The following HAPLN3 variants were observed in gnomAD, a reference collection of about 807,000 sequenced individuals.
HAPLN3 encodes the protein hyaluronan and proteoglycan link protein 3.
A neutral mutation model predicts 28.1 loss-of-function variants in HAPLN3; 28 were observed. That is an observed-to-expected ratio of 1.00 (90% confidence interval 0.74 to 1.37). The LOEUF is 1.37. Ranked by LOEUF, HAPLN3 falls within the 40% of genes most tolerant of loss-of-function variation. The pLI, the probability that HAPLN3 is intolerant of heterozygous loss-of-function variation, is 0.00. For missense variants in HAPLN3, 513 were observed against 504.6 expected, an observed-to-expected ratio of 1.02 and a Z score of -0.16; for synonymous variants, 211 against 213.1, an observed-to-expected ratio of 0.99 and a Z score of 0.09.
At position 88,890,090 on chromosome 15, in the gene HAPLN3, A is replaced by G. The variant is rs373162840; in HGVS notation, c.-47-2745T>C. 1.5e-3 allele frequency among the ~76,000 whole-genome samples: 227 copies of G among 152,262 alleles called. 2 individuals are homozygous for G. Among genetic ancestry groups the G allele is most frequent in the African/African-American group, 5.2e-3 (215 of 41,558 alleles). On this transcript the variant is annotated intron_variant, in intron 1 of 4. Transcript: ENST00000359595. ...GAGGAAAGGAGGCAGGCAGACACAC[A>G]CAGCATTGGCTTGTTAGAGTGATGG...
intron 1 of HAPLN3, among the ~76,000 whole-genome samples, chr15:88,894,340 C>A (rs545045286): frequency 6.6e-6 from 1 of 152,318 alleles, no homozygotes; most frequent in South Asian, 2.1e-4. Flanking sequence ...GACCCCTCCA[C>A]CCAAGAACAA....
chr15:88,887,306 T>C lies in HAPLN3; in HGVS notation c.-8A>G, dbSNP rs1461198524. ...CAGGAGCAACAGGCCCATCTCCTCA[T>C]GCCAGGGTGACCCGGGCCAGGCTGG... On this transcript the variant is annotated 5_prime_UTR_variant, in exon 2 of 5. An upstream start codon of the reference 5' UTR is lost. Transcript: ENST00000359595. 6.2e-7 allele frequency: 1 copy of C among 1,613,770 alleles called. No individual in the cohort carries two copies. Among genetic ancestry groups the C allele is most frequent in the Non-Finnish European group, 8.5e-7 (1 of 1,179,856 alleles).
In HAPLN3 at chr15:88,890,011, A is replaced by AGGGAGGAAG. The variant is rs998871399; in HGVS notation, c.-47-2675_-47-2667dup. Among the ~76,000 whole-genome samples the AGGGAGGAAG allele has an allele frequency of 1.9e-4, 18 of 93,134 alleles. No homozygotes were observed. The East Asian group carries it at 5.5e-3, about 28-fold the overall frequency. The allele number at this position is 93,134 out of a possible 152,430, so 61.1% of individuals were successfully genotyped here. ...AAGGAAGGGAGGGAGGGAGGGAGGG[A>AGGGAGGAAG]GGGAGGAAGGGGAGGAAGGAAGGAA... On this transcript the variant is annotated intron_variant, in intron 1 of 4. Transcript: ENST00000359595.
chr15:88,878,403 T>C, intron 4 of HAPLN3, 147 bp from the exon 5 acceptor site: 2 of 735,386 alleles, frequency 2.7e-6, no homozygotes, highest in Admixed American at 5.8e-5. Context: ...TTTCTAATCT[T>C]CACCCTGTCC....
intron 2 of HAPLN3, among the ~76,000 whole-genome samples, chr15:88,884,649 C>A (rs1412451596): frequency 6.6e-6 from 1 of 152,104 alleles, no homozygotes; most frequent in East Asian, 1.9e-4. Flanking sequence ...ATAATGGCCT[C>A]CCAAAATACC....
chr15:88,894,018 G>T (rs77278469), intron 1 of HAPLN3, among the ~76,000 whole-genome samples: 5,902 of 151,880 alleles, frequency 0.039, 394 homozygotes, highest in African/African-American at 0.13. Context: ...GAGAATAGCT[G>T]CAGAGCACTG....
chr15:88,877,733 C>T lies in HAPLN3; in HGVS notation c.*237G>A. On this transcript the variant is annotated 3_prime_UTR_variant, in exon 5 of 5. Coordinates refer to ENST00000359595, the MANE Select transcript of HAPLN3 (RefSeq NM_178232.4). This position sits in a 1 kb window ranked among gnomAD's most constrained non-coding sequence, Gnocchi z 5.1. ...TGGATGGCGGGGAACCCTCCAGAAG[C>T]CCACAAAACCGCAAATGGCCCAGGG... 1.9e-6 allele frequency: 1 copy of T among 513,566 alleles called. No individual in the cohort carries two copies. Among genetic ancestry groups the T allele is most frequent in the Non-Finnish European group, 3.4e-6 (1 of 292,922 alleles). 31.8% of individuals were successfully genotyped at this position (513,566 alleles called of 1,614,324 possible).
chr15:88,887,276 G>A lies in HAPLN3; in HGVS notation c.23C>T (p.Pro8Leu), dbSNP rs1184525664. ...GTAGGAGCCGGGCAGCAGGAGCAACGGGACCAGGAGCAACAGGCCCATCTC... is the reference window on the plus strand; with the variant it reads ...GTAGGAGCCGGGCAGCAGGAGCAACAGGACCAGGAGCAACAGGCCCATCTC... MGLLLLV[P>L]LLLLPGSYGL... Residue 8 changes from proline to leucine, a missense_variant, in exon 2 of 5, where the codon CCG becomes CTG. Pro to Leu is a moderately conservative substitution (Grantham distance 98). Coordinates refer to ENST00000359595, the MANE Select transcript of HAPLN3 (RefSeq NM_178232.4). 12 of 1,613,960 alleles carry A rather than the reference G, an allele frequency of 7.4e-6. No individual in the cohort carries two copies. The highest frequency in any genetic ancestry group is 1.3e-5 in the African/African-American group (1 of 74,918).
intron 1 of HAPLN3, among the ~76,000 whole-genome samples, chr15:88,891,383 G>A (rs1432519891): frequency 3.3e-5 from 5 of 151,364 alleles, no homozygotes; most frequent in Middle Eastern, 3.2e-3. Context: ...AGCAACCTCT[G>A]CCTCCTGGGT....
rs1440250001 is a variant in HAPLN3 at position 88,877,963 on chromosome 15, C to G, written c.*7G>C. 1 of 1,585,962 alleles carries G rather than the reference C, an allele frequency of 6.3e-7. No homozygotes were observed. The highest frequency in any genetic ancestry group is 8.6e-7 in the Non-Finnish European group (1 of 1,164,340). ...TGAGGGAATGCGGCAGGGGAGGGCC[C>G]CAGGTCCTAGTGCTGGCGGTAGCAG... On this transcript the variant is annotated 3_prime_UTR_variant, in exon 5 of 5. Transcript: ENST00000359595. This position sits in a 1 kb window ranked among gnomAD's most constrained non-coding sequence, Gnocchi z 5.1.
chr15:88,887,084 G>A (rs983626900), intron 2 of HAPLN3, 91 bp downstream of exon 2: 4 of 1,422,136 alleles, frequency 2.8e-6, no homozygotes, highest in Non-Finnish European at 3.0e-6. Context: ...TGCTGTCCCT[G>A]TCCCAGCCTG....
intron 2 of HAPLN3, among the ~76,000 whole-genome samples, chr15:88,885,630 T>C (rs1452821626): frequency 1.3e-5 from 2 of 152,158 alleles, no homozygotes; most frequent in South Asian, 2.1e-4. Flanking sequence ...GCTACTTTTG[T>C]ATTTTTAGTA....
Position 88,888,464 on chromosome 15 carries a change from A to G in HAPLN3, c.-47-1119T>C, listed in dbSNP as rs2141671025. ...GTTTGGGTGGGCGCTCAAAAGAGGT[A>G]GCCAACCCATGGGCTGTAGTTTGAT... On this transcript the variant is annotated intron_variant, in intron 1 of 4. Coordinates refer to ENST00000359595, the MANE Select transcript of HAPLN3 (RefSeq NM_178232.4). This position sits in a 1 kb window ranked among gnomAD's most constrained non-coding sequence, Gnocchi z 4.1. Among the ~76,000 whole-genome samples, 1 of 152,288 alleles carries G rather than the reference A, an allele frequency of 6.6e-6. No homozygotes were observed. The highest frequency in any genetic ancestry group is 3.4e-3 in the Middle Eastern group (1 of 294).
intron 1 of HAPLN3, among the ~76,000 whole-genome samples, chr15:88,892,453 T>A (rs530732923): frequency 6.7e-6 from 1 of 149,852 alleles, no homozygotes; most frequent in South Asian, 2.2e-4. Flanking sequence ...TGAAACTGCA[T>A]CTCAAAAAAA....
chr15:88,883,792 G>T (rs944667110), intron 2 of HAPLN3, among the ~76,000 whole-genome samples: 9 of 152,180 alleles, frequency 5.9e-5, no homozygotes, highest in Non-Finnish European at 2.9e-5. Flanking sequence ...TAAAAGAATG[G>T]CTCAGCTAGG....
chr15:88,893,155 C>G (rs1473566791), intron 1 of HAPLN3: 5 of 704,634 alleles, frequency 7.1e-6, no homozygotes, highest in Non-Finnish European at 1.3e-5. Context: ...GTGGCTCACA[C>G]CTGTAATCCT....
At chr15:88,889,678 C>T (rs1030773975) in intron 1 of HAPLN3, among the ~76,000 whole-genome samples, 1 of 152,184 alleles carries the variant, frequency 6.6e-6, no homozygotes, top group Non-Finnish European at 1.5e-5. Context: ...TGGCTTTAAG[C>T]AGAGAAGTCA....
At chr15:88,887,547 G>A (rs954974665) in intron 1 of HAPLN3, among the ~76,000 whole-genome samples, 9 of 152,294 alleles carry the variant, frequency 5.9e-5, no homozygotes, top group Admixed American at 2.0e-4. Flanking sequence ...GCTGTACCCC[G>A]AAGGCAAGAC....
Position 88,877,870 on chromosome 15 carries a change from GT to G in HAPLN3, c.*99del. On this transcript the variant is annotated 3_prime_UTR_variant, in exon 5 of 5. Transcript: ENST00000359595. The surrounding 1 kb of genome is among the most constrained non-coding windows in gnomAD (Gnocchi z 5.1). ...GTTTAAAGAAAATTTAAATTGAGAAGTATAAAAACAGTTAAAATGGCTCCAA... is the reference window on the plus strand; with the variant it reads ...GTTTAAAGAAAATTTAAATTGAGAAGATAAAAACAGTTAAAATGGCTCCAA... The G allele has an allele frequency of 8.5e-7, 1 of 1,182,278 alleles. No individual in the cohort carries two copies. The highest frequency in any genetic ancestry group is 1.2e-6 in the Non-Finnish European group (1 of 850,208). The allele number at this position is 1,182,278 out of a possible 1,614,324, so 73.2% of individuals were successfully genotyped here.
Sources: allele counts gnomAD v4.1 joint callset (sites outside exome capture counted in the v4.1 genomes callset), GRCh38; gene constraint gnomAD v4.1.1; non-coding constraint Gnocchi (gnomAD v3.1); transcripts MANE v1.5; gene names NCBI Gene and HGNC (gene_info 2026-07-23, HGNC 2026-07-21).